Variants in FIGN observed in about 807,000 individuals in gnomAD.
FIGN encodes fidgetin, microtubule severing factor.
A neutral mutation model predicts 51.3 loss-of-function variants in FIGN; 11 were observed. The observed-to-expected ratio is 0.21, with a 90% CI of 0.13 to 0.35. The LOEUF is 0.35. Ranked by LOEUF, FIGN falls within the 10% of genes least tolerant of loss-of-function variation. The pLI is 1.00. For missense variants in FIGN, 857 were observed against 943.6 expected (o/e 0.91, Z 1.20); for synonymous variants, 407 against 363.2 (o/e 1.12, Z -1.37).
chr2:163,682,401 A>G (rs917408954), intron 2 of FIGN, among the ~76,000 whole-genome samples: 1 of 152,154 alleles, frequency 6.6e-6, no homozygotes, highest in African/African-American at 2.4e-5. Flanking sequence ...CAACACAACA[A>G]GTATTTATTA....
chr2:163,636,280 A>AT (rs565968538), intron 2 of FIGN, among the ~76,000 whole-genome samples: 66 of 151,994 alleles, frequency 4.3e-4, no homozygotes, highest in African/African-American at 1.4e-3. Context: ...TCTAATGGTG[A>AT]TTTTTTGTTT....
chr2:163,646,366 A>G (rs1021341807), intron 2 of FIGN, among the ~76,000 whole-genome samples: 1 of 152,194 alleles, frequency 6.6e-6, no homozygotes, highest in Non-Finnish European at 1.5e-5. Flanking sequence ...ACTCTAAACT[A>G]TAAAATGTTT....
chr2:163,726,276 A>G (rs1259025485), intron 2 of FIGN, among the ~76,000 whole-genome samples: 1 of 152,114 alleles, frequency 6.6e-6, no homozygotes, highest in Non-Finnish European at 1.5e-5. Flanking sequence ...TGCAAATGAA[A>G]ATCTCTCTTT....
At chr2:163,633,077 G>C (rs1204052371) in intron 2 of FIGN, among the ~76,000 whole-genome samples, 1 of 152,000 alleles carries the variant, frequency 6.6e-6, no homozygotes, top group Non-Finnish European at 1.5e-5. Flanking sequence ...CCAGCTACTG[G>C]GGAGGCTGAG....
chr2:163,687,439 A>C (rs2105343037), intron 2 of FIGN, among the ~76,000 whole-genome samples: 1 of 152,286 alleles, frequency 6.6e-6, no homozygotes, highest in East Asian at 1.9e-4. Context: ...GGGTCACCTG[A>C]CCTCAGGCCT....
At chr2:163,616,934 GAA>G (rs1682887595) in intron 2 of FIGN, among the ~76,000 whole-genome samples, 5 of 152,108 alleles carry the variant, frequency 3.3e-5, no homozygotes, top group African/African-American at 1.2e-4. Flanking sequence ...AGAACCTTCT[GAA>G]AGAAGGATTG....
intron 2 of FIGN, chr2:163,612,429 C>T (rs989119885): frequency 1.0e-6 from 1 of 985,228 alleles, no homozygotes; most frequent in Non-Finnish European, 1.2e-6. Flanking sequence ...ATCCAACTCT[C>T]ATCTAAAGTG....
intron 2 of FIGN, among the ~76,000 whole-genome samples, chr2:163,657,783 A>G (rs1053360788): frequency 1.3e-5 from 2 of 152,168 alleles, no homozygotes; most frequent in African/African-American, 4.8e-5. Context: ...AAGATTTTGC[A>G]AATCTGTAAT....
intron 2 of FIGN, among the ~76,000 whole-genome samples, chr2:163,654,265 T>C (rs1277706122): frequency 6.6e-6 from 1 of 152,152 alleles, no homozygotes; most frequent in Admixed American, 6.6e-5. Flanking sequence ...TATAATTTTA[T>C]TTGTATTTGA....
At chr2:163,696,973 G>C (rs143363241) in intron 2 of FIGN, among the ~76,000 whole-genome samples, 1 of 151,432 alleles carries the variant, frequency 6.6e-6, no homozygotes, top group East Asian at 2.0e-4. Flanking sequence ...GCCCAGCCAT[G>C]ATCCCCATTT....
intron 2 of FIGN, among the ~76,000 whole-genome samples, chr2:163,708,668 C>T (rs112146188): frequency 2.3e-3 from 345 of 152,132 alleles, no homozygotes; most frequent in African/African-American, 7.8e-3. Context: ...ATAGTCTTAT[C>T]GATTTTTATT....
intron 2 of FIGN, among the ~76,000 whole-genome samples, chr2:163,706,886 TGC>T (rs1684507859): frequency 6.6e-6 from 1 of 152,180 alleles, no homozygotes; most frequent in African/African-American, 2.4e-5. Context: ...AAAAAAATTA[TGC>T]CAGTATGACC....
At position 163,734,902 on chromosome 2, in the gene FIGN, C is replaced by T; in HGVS notation, c.25+1G>A. ...GGAAGTAAATTCCAAAACTGACATACCATAAACACTGGTGCTACTGATCAT... is the reference window on the plus strand; with the variant it reads ...GGAAGTAAATTCCAAAACTGACATATCATAAACACTGGTGCTACTGATCAT... On this transcript the variant is annotated splice_donor_variant, in intron 2 of 2. Coordinates refer to ENST00000333129, the MANE Select transcript of FIGN (RefSeq NM_018086.4). LOFTEE classifies it high-confidence loss of function. 6.2e-7 allele frequency: 1 copy of T among 1,609,320 alleles called. No homozygotes were observed.
chr2:163,609,504 A>T lies in FIGN; in HGVS notation c.*48T>A, dbSNP rs1240363989. ...CTCTATTCCCTATGTAGCAGGTTTT[A>T]TGTGTGTGTGCCAACATTCATTACA... On this transcript the variant is annotated 3_prime_UTR_variant, in exon 3 of 3. Transcript: ENST00000333129. 6.6e-7 allele frequency: 1 copy of T among 1,517,490 alleles called. No homozygotes were observed. The highest frequency in any genetic ancestry group is 8.9e-7 in the Non-Finnish European group (1 of 1,119,454). 94.0% of individuals were successfully genotyped at this position (1,517,490 alleles called of 1,614,324 possible).
chr2:163,625,108 G>A (rs1222628611), intron 2 of FIGN, among the ~76,000 whole-genome samples: 1 of 151,890 alleles, frequency 6.6e-6, no homozygotes, highest in Non-Finnish European at 1.5e-5. Context: ...TTCAACTTAG[G>A]ACTTGTTAAC....
At chr2:163,633,937 G>A (rs1243802889) in intron 2 of FIGN, among the ~76,000 whole-genome samples, 1 of 152,056 alleles carries the variant, frequency 6.6e-6, no homozygotes, top group Non-Finnish European at 1.5e-5. Context: ...TTCAATCAAT[G>A]AGAAAGTCTC....
In FIGN at chr2:163,605,672, G is replaced by A. The variant is rs1272398072; in HGVS notation, c.*3880C>T. 2.6e-5 allele frequency: 4 copies of A among 151,646 alleles called. No homozygotes were observed. Among genetic ancestry groups the A allele is most frequent in the African/African-American group, 9.7e-5 (4 of 41,290 alleles). The allele number at this position is 151,646 out of a possible 1,614,324, so 9.4% of individuals were successfully genotyped here. A position where few individuals can be genotyped will look rare whatever the true frequency, so the allele number is the denominator to read the frequency against. Reference sequence around the variant, plus strand: ...TATATATTAGAACTTTACTTTAGTGGCCTCAATAGTTCAACAAGCTGCGTC... The same window carrying A: ...TATATATTAGAACTTTACTTTAGTGACCTCAATAGTTCAACAAGCTGCGTC... On this transcript the variant is annotated 3_prime_UTR_variant, in exon 3 of 3. Transcript: ENST00000333129.
chr2:163,670,123 T>G (rs1683852049), intron 2 of FIGN, among the ~76,000 whole-genome samples: 1 of 152,098 alleles, frequency 6.6e-6, no homozygotes, highest in African/African-American at 2.4e-5. Flanking sequence ...AAAACTAGAG[T>G]GATCTGCTTG....
intron 2 of FIGN, among the ~76,000 whole-genome samples, chr2:163,720,368 A>T (rs528155461): frequency 7.9e-5 from 12 of 152,192 alleles, no homozygotes; most frequent in Non-Finnish European, 1.6e-4. Context: ...CCGACCACTG[A>T]ATGAAAACAA....
Sources: allele counts gnomAD v4.1 joint callset (sites outside exome capture counted in the v4.1 genomes callset), GRCh38; gene constraint gnomAD v4.1.1; transcripts MANE v1.5; gene names NCBI Gene and HGNC (gene_info 2026-07-23, HGNC 2026-07-21).